ENO4: variants seen among roughly 807,000 people sequenced by gnomAD.
ENO4 encodes the protein 2-phospho-D-glycerate hydro-lyase.
In ENO4, 53 loss-of-function variants were observed where a neutral mutation model predicts 63.2. That is an observed-to-expected ratio of 0.84 (90% CI 0.67 to 1.05). The LOEUF is 1.05. Ranked by LOEUF, ENO4 falls within the 50% of genes least tolerant of loss-of-function variation. The probability of loss-of-function intolerance (pLI) is 0.00; values close to 1 mark genes in which losing one functional copy is unlikely to be tolerated. For missense variants in ENO4, 719 were observed against 772.0 expected (o/e 0.93, Z 0.81); for synonymous variants, 266 against 283.8 (o/e 0.94, Z 0.63).
chr10:116,898,215 C>G (rs1847590663), intron 10 of ENO4, among the ~76,000 whole-genome samples: 1 of 151,906 alleles, frequency 6.6e-6, no homozygotes, highest in Non-Finnish European at 1.5e-5. Flanking sequence ...GTAATCACAG[C>G]TACTCGGGAG....
At chr10:116,864,560 G>C (rs1471791593) in intron 7 of ENO4, among the ~76,000 whole-genome samples, 1 of 151,718 alleles carries the variant, frequency 6.6e-6, no homozygotes, top group African/African-American at 2.4e-5. Flanking sequence ...TATTTACTTT[G>C]TGATTACACA....
chr10:116,855,410 C>T (rs1447588430), intron 1 of ENO4, among the ~76,000 whole-genome samples: 6 of 152,116 alleles, frequency 3.9e-5, no homozygotes, highest in Non-Finnish European at 7.3e-5. Context: ...CAGGAGTGGG[C>T]TGAATCCATA....
intron 10 of ENO4, among the ~76,000 whole-genome samples, chr10:116,888,700 C>A (rs994832346): frequency 7.2e-5 from 11 of 152,222 alleles, no homozygotes; most frequent in African/African-American, 2.7e-4. Flanking sequence ...GTGGGCCAGT[C>A]ACTGCCACAT....
chr10:116,894,485 G>A (rs1040451813), intron 10 of ENO4, among the ~76,000 whole-genome samples: 36 of 152,092 alleles, frequency 2.4e-4, no homozygotes. Flanking sequence ...GGGGACCCTG[G>A]GGTGAAGAGA....
chr10:116,859,679 G>T (rs369107005), intron 4 of ENO4, among the ~76,000 whole-genome samples: 3 of 152,112 alleles, frequency 2.0e-5, no homozygotes, highest in Admixed American at 2.0e-4. Context: ...GCTGCTCTTG[G>T]TATAATAACA....
At chr10:116,900,431 C>T (rs1418106728) in intron 10 of ENO4, 1 of 1,026,428 alleles carries the variant, frequency 9.7e-7, no homozygotes, top group South Asian at 1.4e-5. Flanking sequence ...AGACCTTGGG[C>T]CTGCAATTAT....
chr10:116,868,106 T>C (rs1846593514), intron 7 of ENO4, among the ~76,000 whole-genome samples: 1 of 152,232 alleles, frequency 6.6e-6, no homozygotes, highest in African/African-American at 2.4e-5. Flanking sequence ...TTTAACCTCA[T>C]GACACTACAC....
At chr10:116,866,468 G>T (rs1846549740) in intron 7 of ENO4, among the ~76,000 whole-genome samples, 1 of 152,194 alleles carries the variant, frequency 6.6e-6, no homozygotes, top group African/African-American at 2.4e-5. Flanking sequence ...CTTAGGAGCT[G>T]CCACGGTGAG....
At chr10:116,880,095 C>A in intron 13 of ENO4, 109 bp downstream of exon 13, 1 of 796,808 alleles carries the variant, frequency 1.3e-6, no homozygotes, top group Non-Finnish European at 2.0e-6. Flanking sequence ...AATCCAAAGA[C>A]CATACATAAG....
At chr10:116,880,505 A>C (rs1022174177) in intron 13 of ENO4, among the ~76,000 whole-genome samples, 8 of 152,226 alleles carry the variant, frequency 5.3e-5, no homozygotes, top group Non-Finnish European at 5.9e-5. Flanking sequence ...ACTAGAGAGA[A>C]ACACACCAAA....
At chr10:116,894,653 CT>C (rs1847451172) in intron 10 of ENO4, among the ~76,000 whole-genome samples, 3 of 152,134 alleles carry the variant, frequency 2.0e-5, no homozygotes, top group Non-Finnish European at 4.4e-5. Flanking sequence ...GGGCTTCTCC[CT>C]TTTGAAGTAA....
At chr10:116,865,647 G>GGACATTT (rs1846531043) in intron 7 of ENO4, among the ~76,000 whole-genome samples, 1 of 152,088 alleles carries the variant, frequency 6.6e-6, no homozygotes, top group Admixed American at 6.6e-5. Flanking sequence ...TTTGCCCAGG[G>GGACATTT]GACATTTGGC....
At chr10:116,854,334 C>T (rs1014828667) in intron 1 of ENO4, among the ~76,000 whole-genome samples, 4 of 151,000 alleles carry the variant, frequency 2.6e-5, no homozygotes, top group South Asian at 4.2e-4. Flanking sequence ...CTGAGGCAGG[C>T]GGATCACGAG....
At chr10:116,871,022 T>C in intron 8 of ENO4, 103 bp from the exon 9 acceptor site, 1 of 976,654 alleles carries the variant, frequency 1.0e-6, no homozygotes, top group Non-Finnish European at 1.5e-6. Flanking sequence ...AAAGGACTGA[T>C]CTTTGCAGAG....
chr10:116,862,579 G>A (rs1052508679), intron 6 of ENO4, among the ~76,000 whole-genome samples: 6 of 152,170 alleles, frequency 3.9e-5, no homozygotes, highest in African/African-American at 7.2e-5. Context: ...CTGAAAGGTC[G>A]AAGAGAGGCT....
At chr10:116,850,503 TATA>T (rs1846046633) in intron 1 of ENO4, among the ~76,000 whole-genome samples, 1 of 151,998 alleles carries the variant, frequency 6.6e-6, no homozygotes, top group Non-Finnish European at 1.5e-5. Flanking sequence ...CTTCCAGATC[TATA>T]AGTAGTAAGG....
chr10:116,853,629 T>C (rs1028965728), intron 1 of ENO4, among the ~76,000 whole-genome samples: 40 of 152,192 alleles, frequency 2.6e-4, no homozygotes, highest in African/African-American at 9.2e-4. Context: ...ACGCGGCACA[T>C]TATAGGTGCT....
intron 9 of ENO4, among the ~76,000 whole-genome samples, chr10:116,873,259 G>A (rs1406856326): frequency 1.3e-5 from 2 of 152,162 alleles, no homozygotes; most frequent in Non-Finnish European, 2.9e-5. Flanking sequence ...TTAGGAAGCT[G>A]CTTAATTCCA....
intron 9 of ENO4, 77 bp from the exon 10 acceptor site, chr10:116,873,999 G>C: frequency 7.0e-7 from 1 of 1,430,420 alleles, no homozygotes; most frequent in Non-Finnish European, 9.4e-7. Context: ...GAACGAAAAC[G>C]AATCTGAACC....
Sources: allele counts gnomAD v4.1 joint callset (sites outside exome capture counted in the v4.1 genomes callset), GRCh38; gene constraint gnomAD v4.1.1; transcripts MANE v1.5; gene names NCBI Gene and HGNC (gene_info 2026-07-23, HGNC 2026-07-21).